Variants in PCDHGB3 observed in about 807,000 individuals in gnomAD.
PCDHGB3 encodes the protein protocadherin gamma-B3.
Under a neutral mutation model 59.2 loss-of-function variants are expected in PCDHGB3, and 40 were observed. That is an observed-to-expected ratio of 0.68 (90% confidence interval 0.52 to 0.88). The LOEUF is 0.88. Among genes scored for constraint, PCDHGB3 ranks in the 40% least tolerant of loss-of-function variants. The pLI, the probability that PCDHGB3 is intolerant of heterozygous loss-of-function variation, is 0.00. For missense variants in PCDHGB3, 1,309 were observed against 1,187.9 expected (o/e 1.10, Z -1.50); for synonymous variants, 581 against 503.6 (o/e 1.15, Z -2.06).
At chr5:141,416,010 A>T (rs968655183) in intron 1 of PCDHGB3, 5 of 245,908 alleles carry the variant, frequency 2.0e-5, no homozygotes, top group Non-Finnish European at 3.0e-5. Flanking sequence ...TGGTAAGAAT[A>T]GGTAAGTATC....
chr5:141,471,036 C>A (rs1437409726), intron 1 of PCDHGB3, among the ~76,000 whole-genome samples: 1 of 144,908 alleles, frequency 6.9e-6, no homozygotes, highest in Admixed American at 7.0e-5. Context: ...TATTAACAAG[C>A]CCAAGCCCTC....
chr5:141,490,942 C>G lies in PCDHGB3; in HGVS notation c.2416-3865C>G. 1 of 1,613,644 alleles carries G rather than the reference C, an allele frequency of 6.2e-7. No individual in the cohort carries two copies. Among genetic ancestry groups the G allele is most frequent in the Non-Finnish European group, 8.5e-7 (1 of 1,179,760 alleles). On this transcript the variant is annotated intron_variant, in intron 1 of 3. Transcript: ENST00000576222. This position sits in a 1 kb window ranked among gnomAD's most constrained non-coding sequence, Gnocchi z 5.4. ...TAATGCCCCAGCTGTGCTGCACCCA[C>G]GGCCAGACTGGGAACACTCAGCCCC...
chr5:141,501,390 T>TCAC (rs1033806087), intron 2 of PCDHGB3, among the ~76,000 whole-genome samples: 4 of 151,794 alleles, frequency 2.6e-5, no homozygotes, highest in African/African-American at 9.7e-5. Flanking sequence ...CTAGGTCCTG[T>TCAC]CACAGGCCAC....
chr5:141,393,412 T>A (rs1382243931), intron 1 of PCDHGB3: 3 of 1,614,032 alleles, frequency 1.9e-6, no homozygotes, highest in South Asian at 1.1e-5. Flanking sequence ...GAGCGCGCCC[T>A]GGACAGGGAG....
At chr5:141,446,129 A>C (rs1488078150) in intron 1 of PCDHGB3, among the ~76,000 whole-genome samples, 1 of 152,204 alleles carries the variant, frequency 6.6e-6, no homozygotes, top group Non-Finnish European at 1.5e-5. Flanking sequence ...GTTCAATAAG[A>C]CTTAATAATG....
chr5:141,470,100 G>A (rs1259251144), intron 1 of PCDHGB3, among the ~76,000 whole-genome samples: 2 of 152,178 alleles, frequency 1.3e-5, no homozygotes, highest in African/African-American at 4.8e-5. Context: ...CTACATTCCA[G>A]TCTGAGCAAC....
Position 141,491,717 on chromosome 5 carries a change from C to A in PCDHGB3, c.2416-3090C>A. ...CGGAGCCAGGTGAGGGGCTCGGCGC[C>A]GCCCCGGGCGACCCCTGGGGGCGGC... On this transcript the variant is annotated intron_variant, in intron 1 of 3. Coordinates refer to ENST00000576222, the MANE Select transcript of PCDHGB3 (RefSeq NM_018924.5). The surrounding 1 kb of genome is among the most constrained non-coding windows in gnomAD (Gnocchi z 6.9). 1 of 1,607,940 alleles carries A rather than the reference C, an allele frequency of 6.2e-7. No individual in the cohort carries two copies. Among genetic ancestry groups the A allele is most frequent in the Middle Eastern group, 1.7e-4 (1 of 6,010 alleles).
intron 1 of PCDHGB3, among the ~76,000 whole-genome samples, chr5:141,459,176 T>C (rs2098962762): frequency 6.6e-6 from 1 of 152,210 alleles, no homozygotes. Context: ...CTTCAAAAGT[T>C]CCCTCATGCC....
intron 1 of PCDHGB3, among the ~76,000 whole-genome samples, chr5:141,435,696 A>G (rs932132128): frequency 1.3e-5 from 2 of 152,204 alleles, no homozygotes; most frequent in East Asian, 1.9e-4. Context: ...TGCTTATTGT[A>G]GAGTGGTTAC....
In PCDHGB3 at chr5:141,370,763, C is replaced by T. The variant is rs1309192707; in HGVS notation, c.369C>T (p.Ile123=). Residue 123 remains isoleucine (I), a synonymous_variant, in exon 1 of 4, where the codon ATC becomes ATT. Transcript: ENST00000576222. The part of the protein sequence containing the change: ...PLNFFHVTVL[I]QDINDNPPTF... ...ACTTTTTTCATGTAACTGTGCTGATCCAGGATATTAACGACAACCCACCGA... is the reference window on the plus strand; with the variant it reads ...ACTTTTTTCATGTAACTGTGCTGATTCAGGATATTAACGACAACCCACCGA... 1 of 1,613,816 alleles carries T rather than the reference C, an allele frequency of 6.2e-7. No homozygotes were observed. The highest frequency in any genetic ancestry group is 1.3e-5 in the African/African-American group (1 of 74,898).
In PCDHGB3 at chr5:141,432,670, G is replaced by C; in HGVS notation, c.2415+59861G>C. On this transcript the variant is annotated intron_variant, in intron 1 of 3. Transcript: ENST00000576222. The surrounding 1 kb of genome is among the most constrained non-coding windows in gnomAD (Gnocchi z 6.0). ...CGCGAGCCCTGCTGGACAGAGACGCGCTCAAGCAGAGCCTCGTAGTGGCCG... is the reference window on the plus strand; with the variant it reads ...CGCGAGCCCTGCTGGACAGAGACGCCCTCAAGCAGAGCCTCGTAGTGGCCG... 1 of 1,613,868 alleles carries C rather than the reference G, an allele frequency of 6.2e-7. No homozygotes were observed. The highest frequency in any genetic ancestry group is 8.5e-7 in the Non-Finnish European group (1 of 1,179,940).
At position 141,487,465 on chromosome 5, in the gene PCDHGB3, T is replaced by C. The variant is rs1354086784; in HGVS notation, c.2416-7342T>C. 1.9e-6 allele frequency: 3 copies of C among 1,614,194 alleles called. No individual in the cohort carries two copies. The highest frequency in any genetic ancestry group is 1.7e-6 in the Non-Finnish European group (2 of 1,180,020). Reference sequence around the variant, plus strand: ...CAGATGACCCTATCAAGTTTGTTGATGTGGGAGGCCACTCTCATGGCTGTA... The same window carrying C: ...CAGATGACCCTATCAAGTTTGTTGACGTGGGAGGCCACTCTCATGGCTGTA... On this transcript the variant is annotated intron_variant, in intron 1 of 3. Transcript: ENST00000576222. The surrounding 1 kb of genome is among the most constrained non-coding windows in gnomAD (Gnocchi z 5.0).
chr5:141,392,836 C>G, intron 1 of PCDHGB3: 1 of 1,608,040 alleles, frequency 6.2e-7, no homozygotes, highest in Non-Finnish European at 8.5e-7. Flanking sequence ...CAGAGTCGCC[C>G]CAGACGCGGC....
At chr5:141,418,803 A>G (rs1358411126) in intron 1 of PCDHGB3, 1 of 1,613,894 alleles carries the variant, frequency 6.2e-7, no homozygotes, top group Non-Finnish European at 8.5e-7. Context: ...GTAGAAAGAT[A>G]TACGATAAAC....
At chr5:141,375,221 G>C (rs1299495432) in intron 1 of PCDHGB3, 31 of 1,613,820 alleles carry the variant, frequency 1.9e-5, no homozygotes, top group Non-Finnish European at 2.6e-5. Context: ...TGGCCTGAAT[G>C]GCCTGGTAAC....
At chr5:141,387,340 G>A (rs565408747) in intron 1 of PCDHGB3, among the ~76,000 whole-genome samples, 2 of 152,306 alleles carry the variant, frequency 1.3e-5, no homozygotes, top group Non-Finnish European at 2.9e-5. Flanking sequence ...ACTGTACTCT[G>A]AGACGGTTTA....
Position 141,423,275 on chromosome 5 carries a change from C to T in PCDHGB3, c.2415+50466C>T. 1.2e-6 allele frequency: 2 copies of T among 1,614,012 alleles called. No homozygotes were observed. The highest frequency in any genetic ancestry group is 1.7e-6 in the Non-Finnish European group (2 of 1,179,970). ...GACCTCGGCAGCCTCGAGTCTCTGGCTAACTCTGAAACCTCAGACCTCTCG... is the reference window on the plus strand; with the variant it reads ...GACCTCGGCAGCCTCGAGTCTCTGGTTAACTCTGAAACCTCAGACCTCTCG... On this transcript the variant is annotated intron_variant, in intron 1 of 3. Transcript: ENST00000576222.
intron 1 of PCDHGB3, chr5:141,419,506 C>A (rs527369615): frequency 6.2e-6 from 10 of 1,612,352 alleles, no homozygotes; most frequent in Middle Eastern, 1.7e-4. Context: ...TGAGCCTGCG[C>A]GTGTTGGTGG....
In PCDHGB3 at chr5:141,388,444, A is replaced by G. The variant is rs1034138913; in HGVS notation, c.2415+15635A>G. 28 of 1,613,890 alleles carry G rather than the reference A, an allele frequency of 1.7e-5. No individual in the cohort carries two copies. Among genetic ancestry groups the G allele is most frequent in the Non-Finnish European group, 2.4e-5 (28 of 1,179,886 alleles). Reference sequence around the variant, plus strand: ...TCACTGATAAATAAAGAGAAATCAGATGGCAGTAAATACCCTGAGATGGTA... The same window carrying G: ...TCACTGATAAATAAAGAGAAATCAGGTGGCAGTAAATACCCTGAGATGGTA... On this transcript the variant is annotated intron_variant, in intron 1 of 3. Transcript: ENST00000576222.
Sources: gnomAD v4.1 joint callset for allele counts (sites outside exome capture counted in the v4.1 genomes callset) on GRCh38, gnomAD v4.1.1 for gene constraint, Gnocchi (gnomAD v3.1) non-coding constraint, MANE v1.5 for transcripts, NCBI Gene and HGNC (gene_info 2026-07-23, HGNC 2026-07-21) for gene names.